CABCOCO1: variants seen among roughly 807,000 people sequenced by gnomAD.
CABCOCO1 encodes ciliary associated calcium binding coiled-coil 1, also known as ciliary-associated calcium-binding coiled-coil protein 1.
In CABCOCO1, 28 loss-of-function variants were observed where a neutral mutation model predicts 35.7. That is an observed-to-expected ratio of 0.78 (90% CI 0.58 to 1.07). The LOEUF is 1.07. Among genes scored for constraint, CABCOCO1 ranks in the 50% least tolerant of loss-of-function variants. CABCOCO1 has a pLI of 0.00. For synonymous variants in CABCOCO1, 95 were observed against 100.1 expected (o/e 0.95, Z 0.30); for missense variants, 326 against 309.2 (o/e 1.05, Z -0.41).
At chr10:61,688,578 C>T (rs1028503883) in intron 4 of CABCOCO1, among the ~76,000 whole-genome samples, 2 of 152,042 alleles carry the variant, frequency 1.3e-5, no homozygotes, top group African/African-American at 2.4e-5. Flanking sequence ...TACATATATA[C>T]GGCCCAAATA....
At chr10:61,739,710 G>A (rs1344762393) in intron 5 of CABCOCO1, among the ~76,000 whole-genome samples, 1 of 152,160 alleles carries the variant, frequency 6.6e-6, no homozygotes, top group African/African-American at 2.4e-5. Context: ...CCAGCACTTT[G>A]GGAGGCTGAG....
At chr10:61,680,555 AAT>A (rs1331547839) in intron 2 of CABCOCO1, among the ~76,000 whole-genome samples, 2 of 19,130 alleles carry the variant, frequency 1.0e-4, no homozygotes, top group African/African-American at 1.8e-4. Context: ...TATAACATAT[AAT>A]ATATATTTGT....
chr10:61,686,253 A>AATTC lies in CABCOCO1; in HGVS notation c.479+69_479+70insTTCA. The AATTC allele has an allele frequency of 2.9e-6, 4 of 1,358,122 alleles. No homozygotes were observed. In the African/African-American group the frequency reaches 6.0e-5, roughly 20 times the overall value. 84.1% of individuals were successfully genotyped at this position (1,358,122 alleles called of 1,614,324 possible). ...TTCTGGAAAATGTCTGTTAAGTAAA[A>AATTC]AGTAATTCAGTTTTTAGCAGATTCA... On this transcript the variant is annotated intron_variant, in intron 4 of 7. Coordinates refer to ENST00000648843, the MANE Select transcript of CABCOCO1 (RefSeq NM_001366906.2).
intron 1 of CABCOCO1, among the ~76,000 whole-genome samples, chr10:61,665,485 G>T (rs1902426): frequency 0.39 from 59,378 of 152,036 alleles, 13,839 homozygotes; most frequent in Middle Eastern, 0.53. Context: ...TATTTGTTAC[G>T]CATAGACCTG....
chr10:61,715,339 CT>C (rs530279080), intron 5 of CABCOCO1, among the ~76,000 whole-genome samples: 35 of 150,974 alleles, frequency 2.3e-4, no homozygotes, highest in African/African-American at 8.0e-4. Context: ...TGCAACCCTG[CT>C]TTTTTTTTGC....
At chr10:61,674,886 T>G (rs1839462474) in intron 2 of CABCOCO1, among the ~76,000 whole-genome samples, 1 of 152,124 alleles carries the variant, frequency 6.6e-6, no homozygotes, top group Non-Finnish European at 1.5e-5. Context: ...TCTCAATTTT[T>G]TTTAAAAAAG....
At chr10:61,694,428 A>T (rs1840239052) in intron 5 of CABCOCO1, among the ~76,000 whole-genome samples, 1 of 151,572 alleles carries the variant, frequency 6.6e-6, no homozygotes, top group Non-Finnish European at 1.5e-5. Flanking sequence ...AAGATTTAGT[A>T]AATTGGCATG....
chr10:61,764,091 A>G (rs972515802), intron 7 of CABCOCO1, among the ~76,000 whole-genome samples: 1 of 152,156 alleles, frequency 6.6e-6, no homozygotes, highest in Admixed American at 6.6e-5. Context: ...AATACCAGAA[A>G]GGCCTCCAAG....
intron 5 of CABCOCO1, among the ~76,000 whole-genome samples, chr10:61,757,547 T>C (rs1438045802): frequency 2.0e-5 from 3 of 152,056 alleles, no homozygotes; most frequent in Non-Finnish European, 4.4e-5. Flanking sequence ...AATAGTTATA[T>C]GGGCTACACT....
At chr10:61,683,637 C>T (rs1027281414) in intron 3 of CABCOCO1, among the ~76,000 whole-genome samples, 2 of 152,184 alleles carry the variant, frequency 1.3e-5, no homozygotes, top group African/African-American at 2.4e-5. Flanking sequence ...TATCATCCTA[C>T]ATTTTCCAAT....
chr10:61,695,528 A>G (rs1023447837), intron 5 of CABCOCO1, among the ~76,000 whole-genome samples: 1 of 152,088 alleles, frequency 6.6e-6, no homozygotes, highest in Admixed American at 6.6e-5. Flanking sequence ...TACACCAAAC[A>G]TATTACTTGA....
chr10:61,703,268 A>ACT (rs1048191581), intron 5 of CABCOCO1, among the ~76,000 whole-genome samples: 7 of 144,096 alleles, frequency 4.9e-5, no homozygotes, highest in Non-Finnish European at 1.5e-5. Context: ...ACACACACAC[A>ACT]CTCTAAACAG....
chr10:61,730,583 T>C (rs2132053501), intron 5 of CABCOCO1, among the ~76,000 whole-genome samples: 1 of 152,176 alleles, frequency 6.6e-6, no homozygotes, highest in Middle Eastern at 3.4e-3. Flanking sequence ...ACTTGGTAGG[T>C]GTAAGTTTGG....
intron 5 of CABCOCO1, among the ~76,000 whole-genome samples, chr10:61,742,756 A>G (rs1041311718): frequency 6.6e-5 from 10 of 152,226 alleles, no homozygotes; most frequent in African/African-American, 2.4e-4. Context: ...AATACAGACA[A>G]TATCTATAGC....
chr10:61,716,586 C>T (rs1383380790), intron 5 of CABCOCO1, among the ~76,000 whole-genome samples: 3 of 152,134 alleles, frequency 2.0e-5, no homozygotes, highest in African/African-American at 4.8e-5. Context: ...CTGAAAATAG[C>T]TCTTCCATTT....
At chr10:61,754,482 T>A (rs1485113582) in intron 5 of CABCOCO1, among the ~76,000 whole-genome samples, 1 of 152,128 alleles carries the variant, frequency 6.6e-6, no homozygotes, top group Non-Finnish European at 1.5e-5. Context: ...AATACTCAGA[T>A]TTCTTTCCAA....
intron 1 of CABCOCO1, among the ~76,000 whole-genome samples, chr10:61,671,911 C>A (rs1839372086): frequency 6.6e-6 from 1 of 152,206 alleles, no homozygotes; most frequent in Non-Finnish European, 1.5e-5. Flanking sequence ...TGATGCCTTG[C>A]TGTACCTTGT....
At chr10:61,695,056 A>C (rs1161138878) in intron 5 of CABCOCO1, among the ~76,000 whole-genome samples, 2 of 152,110 alleles carry the variant, frequency 1.3e-5, no homozygotes, top group African/African-American at 4.8e-5. Flanking sequence ...ATCACACAGA[A>C]AACAAAAATA....
At chr10:61,735,802 A>G (rs575404461) in intron 5 of CABCOCO1, among the ~76,000 whole-genome samples, 2 of 152,246 alleles carry the variant, frequency 1.3e-5, no homozygotes, top group South Asian at 2.1e-4. Context: ...AGTCTTTCCT[A>G]TAATTCCTTC....
Sources: gnomAD v4.1 joint callset for allele counts (sites outside exome capture counted in the v4.1 genomes callset) on GRCh38, gnomAD v4.1.1 for gene constraint, MANE v1.5 for transcripts, NCBI Gene and HGNC (gene_info 2026-07-23, HGNC 2026-07-21) for gene names.